TNRC6A: variants seen among roughly 807,000 people sequenced by gnomAD.
TNRC6A encodes the protein trinucleotide repeat-containing gene 6A protein.
TNRC6A carries 44 observed loss-of-function variants against 221.2 expected under a neutral mutation model. That is an observed-to-expected ratio of 0.20 (90% CI 0.16 to 0.26). TNRC6A has a LOEUF of 0.26. Ranked by LOEUF, TNRC6A falls within the 10% of genes least tolerant of loss-of-function variation. The pLI is 1.00. For synonymous variants in TNRC6A, 847 were observed against 838.5 expected, an observed-to-expected ratio of 1.01 and a Z score of -0.18; for missense variants, 2,199 against 2,404.4, an observed-to-expected ratio of 0.91 and a Z score of 1.79.
chr16:24,652,789 G>A (rs1902745554), intron 2 of TNRC6A, among the ~76,000 whole-genome samples: 2 of 152,184 alleles, frequency 1.3e-5, no homozygotes, highest in Non-Finnish European at 2.9e-5. Flanking sequence ...TAAATTAATA[G>A]TGCTAGTTCT....
chr16:24,662,138 G>A (rs551289603), intron 2 of TNRC6A: 50 of 152,158 alleles, frequency 3.3e-4, no homozygotes, highest in African/African-American at 1.2e-3. Context: ...AAAATTCCAT[G>A]TATAGAAATT....
chr16:24,770,599 A>G (rs2151637637), intron 4 of TNRC6A, among the ~76,000 whole-genome samples: 1 of 152,322 alleles, frequency 6.6e-6, no homozygotes, highest in South Asian at 2.1e-4. Context: ...TAGATAGTTA[A>G]GCCATTACCT....
At chr16:24,673,674 C>T (rs1032691601) in intron 2 of TNRC6A, among the ~76,000 whole-genome samples, 2 of 152,196 alleles carry the variant, frequency 1.3e-5, no homozygotes, top group African/African-American at 2.4e-5. Context: ...AACCCTCCCA[C>T]CTCAGCCTCC....
chr16:24,686,771 G>A (rs966412855), intron 2 of TNRC6A, among the ~76,000 whole-genome samples: 2 of 152,134 alleles, frequency 1.3e-5, no homozygotes, highest in Admixed American at 6.6e-5. Flanking sequence ...GTGGTATGGC[G>A]TCACCGTGGG....
chr16:24,622,827 T>A (rs1596546587), intron 1 of TNRC6A, among the ~76,000 whole-genome samples: 2 of 152,338 alleles, frequency 1.3e-5, no homozygotes, highest in East Asian at 3.9e-4. Context: ...ATTATCATGA[T>A]GCCGGCCAAT....
chr16:24,771,579 ATGT>A (rs367590001), intron 4 of TNRC6A, among the ~76,000 whole-genome samples: 28 of 62,326 alleles, frequency 4.5e-4, no homozygotes, highest in Middle Eastern at 7.5e-3. Context: ...ATGTTATGTT[ATGT>A]TGTTATGTTA....
At chr16:24,636,372 ATTTT>A (rs34517197) in intron 1 of TNRC6A, among the ~76,000 whole-genome samples, 1 of 140,262 alleles carries the variant, frequency 7.1e-6, no homozygotes, top group African/African-American at 2.7e-5. Flanking sequence ...GGACTTTGTG[ATTTT>A]TTTTTTTTTT....
intron 2 of TNRC6A, among the ~76,000 whole-genome samples, chr16:24,713,981 T>C (rs2056262763): frequency 1.3e-5 from 2 of 152,218 alleles, no homozygotes; most frequent in African/African-American, 4.8e-5. Flanking sequence ...AATTATGATT[T>C]GCCTTGGTGT....
At chr16:24,800,874 C>G (rs2058318206) in intron 11 of TNRC6A, among the ~76,000 whole-genome samples, 1 of 152,224 alleles carries the variant, frequency 6.6e-6, no homozygotes, top group South Asian at 2.1e-4. Context: ...GGAAGCAACA[C>G]CCTTCCTCTT....
intron 2 of TNRC6A, among the ~76,000 whole-genome samples, chr16:24,679,746 G>A (rs1019693810): frequency 6.6e-6 from 1 of 151,608 alleles, no homozygotes; most frequent in Non-Finnish European, 1.5e-5. Context: ...CAAAGTGCTA[G>A]GATTACAGGC....
intron 2 of TNRC6A, among the ~76,000 whole-genome samples, chr16:24,682,133 A>G (rs1285083549): frequency 6.6e-6 from 1 of 152,190 alleles, no homozygotes; most frequent in African/African-American, 2.4e-5. Context: ...AGTCTACCAG[A>G]TCTACTTGAG....
chr16:24,675,659 ACTCTCTCTCTCTCTCT>A (rs71381700), intron 2 of TNRC6A, among the ~76,000 whole-genome samples: 7 of 37,552 alleles, frequency 1.9e-4, no homozygotes, highest in Non-Finnish European at 2.4e-4. Context: ...CCAGCCAGAG[ACTCTCTCTCTCTCTCT>A]CTCTCTCTCT....
chr16:24,826,132 A>G lies in TNRC6A; in HGVS notation c.*2325A>G, dbSNP rs182444420. 55 of 152,800 alleles carry G rather than the reference A, an allele frequency of 3.6e-4. 1 individual carries two copies. In the East Asian group the frequency reaches 9.4e-3, roughly 26 times the overall value. 9.5% of individuals were successfully genotyped at this position (152,800 alleles called of 1,614,324 possible). On this transcript the variant is annotated 3_prime_UTR_variant, in exon 25 of 25. Transcript: ENST00000395799. ...CTGACCTTGGGGCTTTGAGTAGTAT[A>G]TAATTCATAACTGCGTTAATTGTAT...
intron 2 of TNRC6A, among the ~76,000 whole-genome samples, chr16:24,718,902 T>G (rs930435399): frequency 6.6e-6 from 1 of 151,494 alleles, no homozygotes; most frequent in Non-Finnish European, 1.5e-5. Flanking sequence ...CCGGGCATGG[T>G]GGTGGGTGTC....
intron 21 of TNRC6A, among the ~76,000 whole-genome samples, chr16:24,819,401 G>T (rs1417339660): frequency 6.6e-6 from 1 of 151,938 alleles, no homozygotes; most frequent in African/African-American, 2.4e-5. Context: ...GGCAGTGTGT[G>T]TCAGGAACTG....
chr16:24,792,192 T>G (rs767887593), intron 6 of TNRC6A, among the ~76,000 whole-genome samples: 1 of 152,174 alleles, frequency 6.6e-6, no homozygotes, highest in Non-Finnish European at 1.5e-5. Context: ...TCTCTAAACA[T>G]TAGGTTGTAT....
intron 2 of TNRC6A, among the ~76,000 whole-genome samples, chr16:24,746,159 C>T (rs1412112910): frequency 1.3e-5 from 2 of 152,192 alleles, no homozygotes; most frequent in African/African-American, 4.8e-5. Context: ...ACCTGTCTTA[C>T]TTCACTAATC....
chr16:24,676,206 G>A lies in TNRC6A; in HGVS notation n.402+35197G>A, dbSNP rs193068164. Among the ~76,000 whole-genome samples the A allele has an allele frequency of 2.0e-5, 3 of 152,118 alleles. No homozygotes were observed. The East Asian group carries it at 5.8e-4, about 29-fold the overall frequency. On this transcript the variant is annotated intron_variant and non_coding_transcript_variant, in intron 2 of 2. Coordinates refer to the TNRC6A transcript ENST00000566108. ...CAACCTTCTCCCCTGCCCACTCCCT[G>A]CTTCTAAAATTCTTCTCATCAAGGT...
At position 24,789,839 on chromosome 16, in the gene TNRC6A, C is replaced by T; in HGVS notation, c.1197C>T (p.Gly399=). Residue 399 remains glycine, a synonymous_variant, in exon 6 of 25, where the codon GGC becomes GGT. Coordinates refer to ENST00000395799, the MANE Select transcript of TNRC6A (RefSeq NM_014494.4). The part of the protein sequence containing the change: ...SGINIQCSTI[G]QMPNNQSINS... ...TTAATATTCAGTGCAGTACTATAGG[C>T]CAGATGCCTAACAATCAGAGTATTA... 1.2e-6 allele frequency: 2 copies of T among 1,614,084 alleles called. No homozygotes were observed. The highest frequency in any genetic ancestry group is 1.1e-5 in the South Asian group (1 of 91,072).
Sources: allele counts gnomAD v4.1 joint callset (sites outside exome capture counted in the v4.1 genomes callset), GRCh38; gene constraint gnomAD v4.1.1; transcripts MANE v1.5; gene names NCBI Gene and HGNC (gene_info 2026-07-23, HGNC 2026-07-21).